MYH11: variants seen among roughly 807,000 people sequenced by gnomAD.
MYH11 encodes myosin-11.
A neutral mutation model predicts 246.6 loss-of-function variants in MYH11; 80 were observed. The ratio of observed to expected loss-of-function variants is 0.32; its 90% CI spans 0.27 to 0.39. The LOEUF is 0.39. MYH11 is among the 10% of genes least tolerant of loss of function. The pLI is 1.00. For missense variants in MYH11, 2,158 were observed against 2,546.8 expected, an observed-to-expected ratio of 0.85 and a Z score of 3.29; for synonymous variants, 1,071 against 1,015.5, an observed-to-expected ratio of 1.05 and a Z score of -1.04.
intron 7 of MYH11, among the ~76,000 whole-genome samples, chr16:15,777,088 T>G (rs1222282640): frequency 1.5e-5 from 2 of 136,986 alleles, no homozygotes; most frequent in Non-Finnish European, 3.1e-5. Context: ...TGTACATGGG[T>G]ATACACACGC....
intron 26 of MYH11, among the ~76,000 whole-genome samples, chr16:15,733,946 A>G (rs2041041708): frequency 6.6e-6 from 1 of 152,180 alleles, no homozygotes. Flanking sequence ...GGGGAAGTAA[A>G]CCCCAGGGTA....
chr16:15,803,194 GAGAC>G (rs1223720326), intron 3 of MYH11, among the ~76,000 whole-genome samples: 14 of 151,924 alleles, frequency 9.2e-5, no homozygotes, highest in Admixed American at 8.5e-4. Context: ...TTATACTCTG[GAGAC>G]AGACAGATAC....
chr16:15,786,122 C>T (rs2042462044), intron 5 of MYH11: 1 of 310,824 alleles, frequency 3.2e-6, no homozygotes, highest in South Asian at 3.0e-5. Context: ...TGGGACGTTA[C>T]AGAGATTCAT....
intron 28 of MYH11, chr16:15,725,668 G>A (rs1452449154): frequency 2.5e-6 from 1 of 398,928 alleles, no homozygotes; most frequent in East Asian, 3.6e-5. Context: ...AACTGCATGT[G>A]AGAAAAAAAC....
At chr16:15,787,709 G>A (rs562489054) in intron 4 of MYH11, among the ~76,000 whole-genome samples, 8 of 152,004 alleles carry the variant, frequency 5.3e-5, no homozygotes, top group South Asian at 2.1e-4. Context: ...TCCTGACCTC[G>A]TGATCCGCCT....
intron 3 of MYH11, among the ~76,000 whole-genome samples, chr16:15,816,073 A>G (rs1408584983): frequency 6.6e-6 from 1 of 152,206 alleles, no homozygotes; most frequent in Non-Finnish European, 1.5e-5. Flanking sequence ...TCAATGCCTC[A>G]AGATCACGTA....
chr16:15,704,944 G>A (rs972536543), intron 40 of MYH11, among the ~76,000 whole-genome samples: 6 of 152,166 alleles, frequency 3.9e-5, no homozygotes, highest in South Asian at 4.1e-4. Context: ...CTCCCAAAGC[G>A]CTGGCATTAC....
chr16:15,799,599 T>A (rs1235359960), intron 3 of MYH11, among the ~76,000 whole-genome samples: 1 of 152,200 alleles, frequency 6.6e-6, no homozygotes, highest in African/African-American at 2.4e-5. Flanking sequence ...CACCTTCTAC[T>A]CTTAAAGAGG....
At chr16:15,780,474 C>CTTTTTTTTTTTTTTTTTTTT (rs71134460) in intron 6 of MYH11, among the ~76,000 whole-genome samples, 1 of 69,002 alleles carries the variant, frequency 1.4e-5, no homozygotes, top group Non-Finnish European at 2.5e-5. Flanking sequence ...GATTTTTACG[C>CTTTTTTTTTTTTTTTTTTTT]TTTTTTTTTT....
At chr16:15,796,342 G>A (rs1401940121) in intron 4 of MYH11, among the ~76,000 whole-genome samples, 1 of 152,154 alleles carries the variant, frequency 6.6e-6, no homozygotes, top group African/African-American at 2.4e-5. Flanking sequence ...CATGGGTGCT[G>A]GAAATGAGAG....
At chr16:15,806,522 T>C (rs2043018786) in intron 3 of MYH11, among the ~76,000 whole-genome samples, 1 of 152,164 alleles carries the variant, frequency 6.6e-6, no homozygotes, top group Non-Finnish European at 1.5e-5. Flanking sequence ...TGCATAACCA[T>C]GTAAATTATG....
intron 2 of MYH11, among the ~76,000 whole-genome samples, chr16:15,833,385 G>GGAAGGAAGGAAGGAAGGA (rs1567208143): frequency 2.0e-4 from 22 of 110,592 alleles, no homozygotes; most frequent in African/African-American, 6.5e-4. Context: ...GGGAGGGAGG[G>GGAAGGAAGGAAGGAAGGA]AGGAAGGAAG....
At chr16:15,806,353 T>TATGAAATG (rs1199486548) in intron 3 of MYH11, among the ~76,000 whole-genome samples, 1 of 140,106 alleles carries the variant, frequency 7.1e-6, no homozygotes, top group Non-Finnish European at 1.5e-5. Flanking sequence ...ATTCCATTTA[T>TATGAAATG]ATGAAATGTC....
intron 13 of MYH11, among the ~76,000 whole-genome samples, chr16:15,757,560 G>GA (rs2041760560): frequency 6.9e-6 from 1 of 145,230 alleles, no homozygotes; most frequent in Non-Finnish European, 1.5e-5. Flanking sequence ...AAAGGGAAGG[G>GA]AAAGAGGGTA....
intron 40 of MYH11, among the ~76,000 whole-genome samples, chr16:15,711,654 G>A (rs546989241): frequency 5.3e-5 from 8 of 152,126 alleles, no homozygotes; most frequent in Non-Finnish European, 1.2e-4. Context: ...TCTAGGACCC[G>A]AGGGATAAAG....
chr16:15,718,064 T>A, intron 37 of MYH11: 1 of 582,668 alleles, frequency 1.7e-6, no homozygotes, highest in East Asian at 3.0e-5. Context: ...GGGATGGCCG[T>A]GAGGTACGGG....
intron 4 of MYH11, among the ~76,000 whole-genome samples, chr16:15,786,993 C>G (rs529160533): frequency 1.3e-5 from 2 of 152,208 alleles, no homozygotes; most frequent in South Asian, 2.1e-4. Context: ...AAAGGTGGGC[C>G]GGATGTGGTG....
chr16:15,838,803 G>A (rs894864063), intron 1 of MYH11, among the ~76,000 whole-genome samples: 5 of 146,986 alleles, frequency 3.4e-5, no homozygotes, highest in African/African-American at 1.3e-4. Flanking sequence ...GTTGCAGTGA[G>A]CCAAGATAGT....
chr16:15,717,268 C>T lies in MYH11; in HGVS notation c.5376G>A (p.Arg1792=). The change falls in exon 38 of 41, where the codon CGG becomes CGA. Residue 1792 remains arginine (R), a synonymous_variant. Coordinates refer to ENST00000300036, the MANE Select transcript of MYH11 (RefSeq NM_002474.3). ...GCTTGCTCCGGAGCTCCTTGTTCTG[C>T]CGCTCGAGCTGCTGCCGGGCACTCT... ...KNESARQQLE[R]QNKELRSKLH... 1 of 1,614,034 alleles carries T rather than the reference C, an allele frequency of 6.2e-7. No individual in the cohort carries two copies. The highest frequency in any genetic ancestry group is 8.5e-7 in the Non-Finnish European group (1 of 1,180,040).
Sources: allele counts gnomAD v4.1 joint callset (sites outside exome capture counted in the v4.1 genomes callset), GRCh38; gene constraint gnomAD v4.1.1; transcripts MANE v1.5; gene names NCBI Gene and HGNC (gene_info 2026-07-23, HGNC 2026-07-21).